The following DGKE variants were observed in gnomAD, a reference collection of about 807,000 sequenced individuals.
DGKE encodes DAG kinase epsilon.
DGKE carries 53 observed loss-of-function variants against 70.0 expected under a neutral mutation model. The observed-to-expected ratio is 0.76, with a 90% confidence interval of 0.61 to 0.95. The LOEUF (loss-of-function observed/expected upper bound fraction) is 0.95. Ranked by LOEUF, DGKE falls within the 40% of genes least tolerant of loss-of-function variation. DGKE has a pLI of 0.00. For synonymous variants in DGKE, 291 were observed against 257.0 expected, an observed-to-expected ratio of 1.13 and a Z score of -1.27; for missense variants, 655 against 706.9, an observed-to-expected ratio of 0.93 and a Z score of 0.83.
chr17:56,862,304 T>A (rs529052997), intron 11 of DGKE, 53 bp downstream of exon 11: 1 of 1,492,912 alleles, frequency 6.7e-7, no homozygotes, highest in African/African-American at 1.4e-5. Flanking sequence ...AATTCTAAGC[T>A]GTTGATATGT....
At chr17:56,859,330 A>C (rs1681393921) in intron 9 of DGKE, among the ~76,000 whole-genome samples, 1 of 151,974 alleles carries the variant, frequency 6.6e-6, no homozygotes, top group Non-Finnish European at 1.5e-5. Context: ...GTCTCAAAAA[A>C]AACTAATAAA....
At chr17:56,840,792 G>A (rs368883977) in intron 2 of DGKE, among the ~76,000 whole-genome samples, 3 of 152,068 alleles carry the variant, frequency 2.0e-5, no homozygotes, top group African/African-American at 7.2e-5. Context: ...GAACTGGGAG[G>A]GGGGGGAATA....
chr17:56,857,802 T>C (rs545132522), intron 8 of DGKE, among the ~76,000 whole-genome samples: 1 of 152,106 alleles, frequency 6.6e-6, no homozygotes, highest in South Asian at 2.1e-4. Flanking sequence ...AGGCCGCGCA[T>C]GGTGGCTCAC....
rs1175017313 is a variant in DGKE, at chr17:56,862,175, A to G, written c.1448A>G (p.Tyr483Cys). The change falls in exon 11 of 12, where the codon TAT becomes TGT. Residue 483 changes from tyrosine (Y) to cysteine (C), a missense_variant. Transcript: ENST00000284061. ...GGTCTGCTGGAAGTCGTTGGAGTAT[A>G]TGGGTCTTTCCACTGTGCTCAGATT... is the stretch of plus-strand genomic sequence containing the variant. ...DDGLLEVVGV[Y>C]GSFHCAQIQV... The G allele has an allele frequency of 2.5e-6, 4 of 1,614,154 alleles. No homozygotes were observed. In the East Asian group the frequency reaches 6.7e-5, roughly 27 times the overall value.
At chr17:56,841,769 CTAAA>C (rs1906994698) in intron 2 of DGKE, among the ~76,000 whole-genome samples, 1 of 152,080 alleles carries the variant, frequency 6.6e-6, no homozygotes, top group Non-Finnish European at 1.5e-5. Flanking sequence ...CAAAAATAAA[CTAAA>C]TGTCTTTTTT....
At chr17:56,859,155 A>G (rs998901741) in intron 9 of DGKE, among the ~76,000 whole-genome samples, 12 of 128,216 alleles carry the variant, frequency 9.4e-5, no homozygotes, top group Non-Finnish European at 1.7e-4. Flanking sequence ...ATAAAAATGT[A>G]TAAATACAAA....
intron 9 of DGKE, among the ~76,000 whole-genome samples, chr17:56,861,136 T>G (rs1908265483): frequency 6.6e-6 from 1 of 152,076 alleles, no homozygotes; most frequent in Admixed American, 6.5e-5. Flanking sequence ...TTTTAGTGAT[T>G]AAGGGGATGT....
intron 7 of DGKE, among the ~76,000 whole-genome samples, chr17:56,853,321 T>G (rs73327115): frequency 0.016 from 2,499 of 152,330 alleles, 64 homozygotes; most frequent in African/African-American, 0.057. Flanking sequence ...ATTTTTACTT[T>G]TATTGCCTAT....
At position 56,868,043 on chromosome 17, in the gene DGKE, G is replaced by A. The variant is rs538381058; in HGVS notation, c.*5252G>A. 2.0e-5 allele frequency: 3 copies of A among 152,248 alleles called. No homozygotes were observed. Among genetic ancestry groups the A allele is most frequent in the Non-Finnish European group, 4.4e-5 (3 of 68,046 alleles). 9.4% of individuals were successfully genotyped at this position (152,248 alleles called of 1,614,324 possible). ...CATCAACACAGAATGCACTAAACAG[G>A]AAATAAGCTGTAATCTAGAGAATTT... is the stretch of plus-strand genomic sequence containing the variant. On this transcript the variant is annotated 3_prime_UTR_variant, in exon 12 of 12. Transcript: ENST00000284061.
At chr17:56,838,879 ACAT>A (rs1456170665) in intron 2 of DGKE, 7 of 152,178 alleles carry the variant, frequency 4.6e-5, no homozygotes, top group East Asian at 1.9e-4. Flanking sequence ...AAAGGAAAAA[ACAT>A]CATGAATTCT....
rs1227363337 is a variant in DGKE, at chr17:56,858,671, C to A, written c.1284+6C>A. Reference sequence around the variant, plus strand: ...ATTTGAATAAAAAAGTTGAGGTAAGCTATTAACACTTTTTATTTTTTAAAG... The same window carrying A: ...ATTTGAATAAAAAAGTTGAGGTAAGATATTAACACTTTTTATTTTTTAAAG... On this transcript the variant is annotated splice_donor_region_variant and intron_variant, in intron 9 of 11. Coordinates refer to ENST00000284061, the MANE Select transcript of DGKE (RefSeq NM_003647.3). 6.3e-7 allele frequency: 1 copy of A among 1,578,854 alleles called. No individual in the cohort carries two copies. The highest frequency in any genetic ancestry group is 2.3e-5 in the East Asian group (1 of 44,396).
rs1215785618 is a variant in DGKE at position 56,861,774 on chromosome 17, T to C, written c.1285-17T>C. On this transcript the variant is annotated splice_polypyrimidine_tract_variant and intron_variant, in intron 9 of 11. Transcript: ENST00000284061. ...TTGTGTATCCTGTAGTCACTATCTA[T>C]TTGTATTTCTTTAAAGCTAGAACTG... 2 of 1,610,060 alleles carry C rather than the reference T, an allele frequency of 1.2e-6. No homozygotes were observed. The highest frequency in any genetic ancestry group is 1.3e-5 in the African/African-American group (1 of 74,678).
At chr17:56,837,518 A>T (rs1730448337) in intron 2 of DGKE, among the ~76,000 whole-genome samples, 1 of 152,218 alleles carries the variant, frequency 6.6e-6, no homozygotes, top group Admixed American at 6.5e-5. Context: ...TATTATTCCC[A>T]AGAGAAGAGA....
At position 56,847,984 on chromosome 17, in the gene DGKE, T is replaced by G. The variant is rs539590607; in HGVS notation, c.807T>G (p.Tyr269Ter). The change falls in exon 5 of 12, where the codon TAT becomes TAG. Residue 269 changes from tyrosine (Y) to a stop codon, truncating the protein, a stop_gained. Coordinates refer to ENST00000284061, the MANE Select transcript of DGKE (RefSeq NM_003647.3). LOFTEE classifies it high-confidence loss of function. ...KALQLCTLLP[Y>*]YSARVLVCGG... ...TACAACTCTGTACTCTTCTCCCATA[T>G]TATTCAGCTCGAGTACTTGTTTGTG... The G allele has an allele frequency of 6.2e-7, 1 of 1,610,588 alleles. No homozygotes were observed. The highest frequency in any genetic ancestry group is 1.1e-5 in the South Asian group (1 of 90,406).
chr17:56,835,488 G>T, intron 2 of DGKE: 2 of 554,146 alleles, frequency 3.6e-6, no homozygotes, highest in Non-Finnish European at 6.3e-6. Context: ...GCCCTTTTGG[G>T]TAATAAAACT....
At chr17:56,848,920 C>CTT in intron 6 of DGKE, 67 bp downstream of exon 6, 1 of 1,595,874 alleles carries the variant, frequency 6.3e-7, no homozygotes, top group Non-Finnish European at 8.6e-7. Context: ...CAAGTGAAGA[C>CTT]TTGTGTAGAT....
chr17:56,836,007 A>G (rs528229842), intron 2 of DGKE: 9 of 152,328 alleles, frequency 5.9e-5, no homozygotes, highest in African/African-American at 1.9e-4. Context: ...CACAGTTGAG[A>G]AAATTAAAGC....
chr17:56,856,498 A>T lies in DGKE; in HGVS notation c.1099-14A>T. The T allele has an allele frequency of 6.2e-7, 1 of 1,610,130 alleles. No individual in the cohort carries two copies. The highest frequency in any genetic ancestry group is 1.3e-5 in the African/African-American group (1 of 74,914). ...GAACCATAGTCTGTTGCTTATTCTT[A>T]CCCTTTCTCACAGGAATTCACAATG... On this transcript the variant is annotated splice_polypyrimidine_tract_variant and intron_variant, in intron 7 of 11. Transcript: ENST00000284061.
chr17:56,845,578 C>G (rs1444443021), intron 3 of DGKE, 112 bp from the exon 4 acceptor site: 3 of 1,070,120 alleles, frequency 2.8e-6, no homozygotes, highest in Non-Finnish European at 3.9e-6. Context: ...ATTGAGAGAA[C>G]TAGTATAGTT....
Sources: gnomAD v4.1 joint callset for allele counts (sites outside exome capture counted in the v4.1 genomes callset) on GRCh38, gnomAD v4.1.1 for gene constraint, MANE v1.5 for transcripts, NCBI Gene and HGNC (gene_info 2026-07-23, HGNC 2026-07-21) for gene names.